NRXN1: variants seen among roughly 807,000 people sequenced by gnomAD.
NRXN1 encodes neurexin-1.
Under a neutral mutation model 150.9 loss-of-function variants are expected in NRXN1, and 39 were observed. The ratio of observed to expected loss-of-function variants is 0.26; its 90% confidence interval spans 0.20 to 0.34. The LOEUF (loss-of-function observed/expected upper bound fraction) is 0.34. Ranked by LOEUF, NRXN1 falls within the 10% of genes least tolerant of loss-of-function variation. NRXN1 has a pLI of 1.00. For synonymous variants in NRXN1, 924 were observed against 757.0 expected (o/e 1.22, Z -3.62); for missense variants, 1,815 against 1,949.9 (o/e 0.93, Z 1.30).
At chr2:49,966,669 A>G (rs1677019739) in intron 21 of NRXN1, 1 of 152,132 alleles carries the variant, frequency 6.6e-6, no homozygotes, top group South Asian at 2.1e-4. Flanking sequence ...CTCCAGTACA[A>G]TGTCTTCACA....
chr2:50,996,148 C>T (rs1019591975), intron 2 of NRXN1, among the ~76,000 whole-genome samples: 5 of 152,066 alleles, frequency 3.3e-5, no homozygotes, highest in Non-Finnish European at 5.9e-5. Context: ...ATAAATCAAT[C>T]TCAGAATTTC....
chr2:50,999,541 CT>C (rs1247433808), intron 2 of NRXN1, among the ~76,000 whole-genome samples: 5 of 152,022 alleles, frequency 3.3e-5, no homozygotes, highest in African/African-American at 1.2e-4. Context: ...CATGTGATGT[CT>C]CCCCCAGGCA....
chr2:50,041,339 T>TC (rs1690914376), intron 21 of NRXN1, among the ~76,000 whole-genome samples: 1 of 152,196 alleles, frequency 6.6e-6, no homozygotes, highest in African/African-American at 2.4e-5. Context: ...CTGCAATGAG[T>TC]GTCTTTTAAA....
chr2:50,325,044 T>C lies in NRXN1; in HGVS notation c.3365-88074A>G, dbSNP rs567866973. Among the ~76,000 whole-genome samples the C allele has an allele frequency of 2.6e-5, 4 of 152,150 alleles. 1 individual carries two copies. In the East Asian group the frequency reaches 7.8e-4, roughly 29 times the overall value. On this transcript the variant is annotated intron_variant, in intron 17 of 22. Coordinates refer to ENST00000401669, the MANE Select transcript of NRXN1 (RefSeq NM_001330078.2). ...GAACATTTGGGACTGGGGAAATACA[T>C]GAGGATAGTTGATGAAATTACTCAA...
intron 18 of NRXN1, among the ~76,000 whole-genome samples, chr2:50,217,125 A>G (rs151006709): frequency 1.2e-4 from 19 of 152,214 alleles, no homozygotes; most frequent in African/African-American, 4.6e-4. Context: ...ATGTTATTGT[A>G]GCAAAGCAGA....
intron 15 of NRXN1, among the ~76,000 whole-genome samples, chr2:50,473,017 G>C (rs553070365): frequency 2.6e-5 from 4 of 152,010 alleles, no homozygotes; most frequent in East Asian, 1.9e-4. Flanking sequence ...TCTGCTTAGA[G>C]ATCTCTGTGT....
intron 17 of NRXN1, among the ~76,000 whole-genome samples, chr2:50,381,224 A>G (rs2080935633): frequency 6.8e-6 from 1 of 147,636 alleles, no homozygotes; most frequent in African/African-American, 2.6e-5. Context: ...TCATATACTT[A>G]TGAGGAAAAA....
intron 9 of NRXN1, among the ~76,000 whole-genome samples, chr2:50,545,474 C>T (rs1463668073): frequency 6.6e-6 from 1 of 152,222 alleles, no homozygotes. Flanking sequence ...ATGCCATAGT[C>T]CAGAGTCTGC....
intron 8 of NRXN1, among the ~76,000 whole-genome samples, chr2:50,608,255 A>C (rs571572285): frequency 6.6e-6 from 1 of 152,352 alleles, no homozygotes; most frequent in South Asian, 2.1e-4. Flanking sequence ...AATACTGCCA[A>C]TGATGACAAT....
At chr2:50,979,078 C>A (rs762031528) in intron 2 of NRXN1, among the ~76,000 whole-genome samples, 1 of 152,024 alleles carries the variant, frequency 6.6e-6, no homozygotes, top group African/African-American at 2.4e-5. Flanking sequence ...TTTGATTTAA[C>A]AAGCAGCTAA....
At chr2:50,792,005 C>T (rs1284834081) in intron 5 of NRXN1, among the ~76,000 whole-genome samples, 1 of 152,024 alleles carries the variant, frequency 6.6e-6, no homozygotes, top group African/African-American at 2.4e-5. Context: ...AATAGTTAAG[C>T]AGGAGTGCAG....
chr2:50,399,898 A>G (rs1274340535), intron 17 of NRXN1, among the ~76,000 whole-genome samples: 1 of 148,394 alleles, frequency 6.7e-6, no homozygotes, highest in African/African-American at 2.5e-5. Context: ...TTTTTAATAA[A>G]TAAATATAAT....
At chr2:50,278,209 C>G (rs1347377321) in intron 17 of NRXN1, among the ~76,000 whole-genome samples, 1 of 94,170 alleles carries the variant, frequency 1.1e-5, no homozygotes, top group African/African-American at 3.8e-5. Flanking sequence ...ACAGACACCA[C>G]CCACCACCAC....
At chr2:50,145,213 C>A (rs745611182) in intron 18 of NRXN1, among the ~76,000 whole-genome samples, 94 of 151,688 alleles carry the variant, frequency 6.2e-4, no homozygotes, top group Admixed American at 1.1e-3. Context: ...CAAAACATCC[C>A]TTTACCCAAG....
chr2:50,467,784 TC>T (rs533724659), intron 16 of NRXN1, among the ~76,000 whole-genome samples: 339 of 151,664 alleles, frequency 2.2e-3, no homozygotes, highest in African/African-American at 7.8e-3. Context: ...GTTGTTTTTT[TC>T]AACTTAGTTA....
At chr2:51,004,637 C>T (rs939761096) in intron 2 of NRXN1, among the ~76,000 whole-genome samples, 2 of 151,084 alleles carry the variant, frequency 1.3e-5, no homozygotes, top group African/African-American at 4.9e-5. Context: ...ACCAAGACTC[C>T]GTCTCAAAAA....
At chr2:50,534,298 G>A (rs1039485067) in intron 10 of NRXN1, among the ~76,000 whole-genome samples, 3 of 152,196 alleles carry the variant, frequency 2.0e-5, no homozygotes, top group African/African-American at 7.2e-5. Flanking sequence ...GGCTGCAGAA[G>A]ATAGGCTAGG....
At position 50,089,544 on chromosome 2, in the gene NRXN1, T is replaced by A. The variant is rs142661404; in HGVS notation, c.3718+1779A>T. 3.2e-3 allele frequency among the ~76,000 whole-genome samples: 483 copies of A among 152,288 alleles called. 4 individuals carry two copies. The highest frequency in any genetic ancestry group is 0.011 in the African/African-American group (461 of 41,550). On this transcript the variant is annotated intron_variant, in intron 19 of 22. Transcript: ENST00000401669. ...GCTCATGCCTGTAATCCCAGCACTT[T>A]GGGAGGCCGAGGCAGGAAGATCACT...
chr2:50,937,314 C>T (rs917933855), intron 2 of NRXN1, among the ~76,000 whole-genome samples: 1 of 152,086 alleles, frequency 6.6e-6, no homozygotes, highest in African/African-American at 2.4e-5. Context: ...GCTTCTAGCA[C>T]AGTATGTATA....
Sources: allele counts gnomAD v4.1 joint callset (sites outside exome capture counted in the v4.1 genomes callset), GRCh38; gene constraint gnomAD v4.1.1; transcripts MANE v1.5; gene names NCBI Gene and HGNC (gene_info 2026-07-23, HGNC 2026-07-21).